CCDC57: variants seen among roughly 807,000 people sequenced by gnomAD.
The protein encoded by CCDC57 is coiled-coil domain containing 57.
Under a neutral mutation model 118.9 loss-of-function variants are expected in CCDC57, and 118 were observed. The ratio of observed to expected loss-of-function variants is 0.99; its 90% CI spans 0.86 to 1.16. The LOEUF (loss-of-function observed/expected upper bound fraction) is 1.16. Among genes scored for constraint, CCDC57 ranks in the 50% most tolerant of loss-of-function variants. The pLI is 0.00. For missense variants in CCDC57, 1,300 were observed against 1,320.7 expected (o/e 0.98, Z 0.24); for synonymous variants, 527 against 532.9 (o/e 0.99, Z 0.15).
At chr17:82,184,050 C>CACACACACACACAG (rs2046630651) in intron 8 of CCDC57, 118 bp from the exon 8 acceptor site, 1 of 566,360 alleles carries the variant, frequency 1.8e-6, no homozygotes, top group East Asian at 2.9e-5. Flanking sequence ...CACACACACA[C>CACACACACACACAG]ACACACACAC....
At position 82,198,437 on chromosome 17, in the gene CCDC57, C is replaced by T. The variant is rs746664248; in HGVS notation, c.408-15G>A. 6.6e-6 allele frequency: 10 copies of T among 1,516,420 alleles called. No homozygotes were observed. The South Asian group carries it at 1.1e-4, about 17-fold the overall frequency. The allele number at this position is 1,516,420 out of a possible 1,614,324, so 93.9% of individuals were successfully genotyped here. On this transcript the variant is annotated splice_polypyrimidine_tract_variant and intron_variant, in intron 3 of 19. Coordinates refer to ENST00000665763, the Ensembl canonical transcript of CCDC57. ...CATTCTTGTCACTATGGTAATAAAA[C>T]AGCATTAAGAAAAGCCATACCAAAT...
intron 8 of CCDC57, 74 bp from the exon 8 acceptor site, chr17:82,184,006 CAAAT>C (rs1343093805): frequency 1.9e-5 from 21 of 1,132,858 alleles, no homozygotes; most frequent in Non-Finnish European, 2.5e-5. Context: ...CACCCCCCAG[CAAAT>C]ACACATGCGC....
chr17:82,204,193 C>T (rs886080857), intron 2 of CCDC57, among the ~76,000 whole-genome samples: 8 of 152,152 alleles, frequency 5.3e-5, no homozygotes, highest in Non-Finnish European at 1.0e-4. Flanking sequence ...ACCCTAGGAC[C>T]ATCACGCCAC....
chr17:82,178,617 G>T lies in CCDC57; in HGVS notation c.1375-12C>A. ...AGCTTGGCAGCAACCTGGGAAAAAC[G>T]CTGGGACTCAGTCCCTGTGTGGATG... On this transcript the variant is annotated splice_polypyrimidine_tract_variant and intron_variant, in intron 10 of 19. Transcript: ENST00000665763. The T allele has an allele frequency of 6.2e-7, 1 of 1,609,906 alleles. No individual in the cohort carries two copies. Among genetic ancestry groups the T allele is most frequent in the Non-Finnish European group, 8.5e-7 (1 of 1,179,614 alleles).
intron 11 of CCDC57, among the ~76,000 whole-genome samples, chr17:82,175,047 T>C (rs1599155408): frequency 6.6e-6 from 1 of 152,178 alleles, no homozygotes; most frequent in South Asian, 2.1e-4. Flanking sequence ...GCGAACAACA[T>C]GAAGGACCAT....
chr17:82,130,161 A>G (rs1049396069), intron 17 of CCDC57, among the ~76,000 whole-genome samples: 1 of 152,064 alleles, frequency 6.6e-6, no homozygotes, highest in African/African-American at 2.4e-5. Context: ...TGATGTCATC[A>G]TGGCACTCCA....
chr17:82,135,557 C>T (rs7502676), intron 16 of CCDC57, among the ~76,000 whole-genome samples: 2 of 151,918 alleles, frequency 1.3e-5, no homozygotes, highest in African/African-American at 4.8e-5. Flanking sequence ...GTTTCTTCTA[C>T]GCAATAAAAG....
intron 7 of CCDC57, among the ~76,000 whole-genome samples, chr17:82,189,596 T>C (rs2047397540): frequency 6.6e-6 from 1 of 151,812 alleles, no homozygotes; most frequent in Non-Finnish European, 1.5e-5. Flanking sequence ...ATCCCTGTAA[T>C]CCCAGCACTT....
At chr17:82,114,301 G>A (rs1411471913) in intron 19 of CCDC57, among the ~76,000 whole-genome samples, 1 of 152,216 alleles carries the variant, frequency 6.6e-6, no homozygotes, top group Non-Finnish European at 1.5e-5. Flanking sequence ...AGTGCCTGCG[G>A]AGGTGGGGGC....
chr17:82,133,969 G>A (rs955964632), intron 17 of CCDC57, 104 bp downstream of exon 16: 22 of 1,121,904 alleles, frequency 2.0e-5, no homozygotes, highest in Non-Finnish European at 2.4e-5. Context: ...GAAAATTGGA[G>A]GCTTTTTATA....
At chr17:82,164,431 A>G (rs2043734669) in intron 13 of CCDC57, among the ~76,000 whole-genome samples, 1 of 152,166 alleles carries the variant, frequency 6.6e-6, no homozygotes, top group South Asian at 2.1e-4. Context: ...AGTAGGAGGA[A>G]GAAAAGATAA....
chr17:82,168,317 G>T (rs1006070400), intron 13 of CCDC57, among the ~76,000 whole-genome samples: 1 of 152,150 alleles, frequency 6.6e-6, no homozygotes, highest in African/African-American at 2.4e-5. Context: ...TCTTTAGGCC[G>T]GGCGCAGTGG....
chr17:82,179,324 T>A, intron 9 of CCDC57, 135 bp from the exon 9 acceptor site: 1 of 942,752 alleles, frequency 1.1e-6, no homozygotes, highest in Non-Finnish European at 1.5e-6. Flanking sequence ...GCTGACATGC[T>A]CCCGAGCTCC....
intron 19 of CCDC57, chr17:82,113,788 G>T: frequency 1.5e-6 from 1 of 645,820 alleles, no homozygotes; most frequent in Non-Finnish European, 2.8e-6. Flanking sequence ...AAAATAACAT[G>T]TAAAAAGATT....
intron 16 of CCDC57, among the ~76,000 whole-genome samples, chr17:82,149,385 C>T (rs7502524): frequency 0.47 from 71,008 of 151,716 alleles, 17,422 homozygotes; most frequent in East Asian, 0.88. Flanking sequence ...AAAGCCAGTG[C>T]CCCTTGCCTT....
chr17:82,106,665 C>CTGT (rs1458624739), intron 19 of CCDC57: 1 of 152,360 alleles, frequency 6.6e-6, no homozygotes, highest in Non-Finnish European at 1.5e-5. Context: ...GGCATGGGAA[C>CTGT]TGTTTCCTGG....
At chr17:82,157,784 C>G (rs1230485961) in exon 15 of CCDC57, 1 of 1,604,904 alleles carries the variant, frequency 6.2e-7, no homozygotes, top group Middle Eastern at 1.9e-4. Context: ...AGGCTGGGGG[C>G]TGCTTCCTGC....
intron 19 of CCDC57, among the ~76,000 whole-genome samples, chr17:82,111,099 T>TTTTTG (rs2035211071): frequency 6.6e-6 from 1 of 152,096 alleles, no homozygotes; most frequent in African/African-American, 2.4e-5. Context: ...TTGTTTTTTG[T>TTTTTG]TTTTGTTTTG....
At chr17:82,188,122 G>T in intron 8 of CCDC57, 97 bp downstream of exon 7, 1 of 1,011,808 alleles carries the variant, frequency 9.9e-7, no homozygotes. Context: ...CTGCTGCCTG[G>T]CCCCCTTTCC....
Sources: allele counts gnomAD v4.1 joint callset (sites outside exome capture counted in the v4.1 genomes callset), GRCh38; gene constraint gnomAD v4.1.1; transcripts MANE v1.5; gene names NCBI Gene and HGNC (gene_info 2026-07-23, HGNC 2026-07-21).